NT5M: variants seen among roughly 807,000 people sequenced by gnomAD.
NT5M encodes the protein 5'(3')-deoxyribonucleotidase, mitochondrial.
A neutral mutation model predicts 22.2 loss-of-function variants in NT5M; 22 were observed. The ratio of observed to expected loss-of-function variants is 0.99; its 90% CI spans 0.71 to 1.41. NT5M has a LOEUF of 1.41. Among genes scored for constraint, NT5M ranks in the 40% most tolerant of loss-of-function variants. The probability of loss-of-function intolerance (pLI) is 0.00; values close to 1 mark genes in which losing one functional copy is unlikely to be tolerated. For missense variants in NT5M, 322 were observed against 314.8 expected (o/e 1.02, Z -0.17); for synonymous variants, 167 against 133.0 (o/e 1.26, Z -1.76).
intron 1 of NT5M, among the ~76,000 whole-genome samples, chr17:17,305,093 C>T (rs974158555): frequency 2.6e-5 from 4 of 152,048 alleles, no homozygotes; most frequent in Admixed American, 1.3e-4. Context: ...TTATAGGCAG[C>T]GCTCGGCATG....
chr17:17,310,672 C>T (rs1365772136), intron 2 of NT5M, among the ~76,000 whole-genome samples: 2 of 151,026 alleles, frequency 1.3e-5, no homozygotes, highest in Non-Finnish European at 2.9e-5. Flanking sequence ...CCTGCCTCCA[C>T]TAAAAATACA....
At position 17,303,547 on chromosome 17, in the gene NT5M, G is replaced by C; in HGVS notation, c.-4G>C. 8 of 1,068,026 alleles carry C rather than the reference G, an allele frequency of 7.5e-6. No homozygotes were observed. The highest frequency in any genetic ancestry group is 9.1e-6 in the Non-Finnish European group (8 of 883,848). 66.2% of individuals were successfully genotyped at this position (1,068,026 alleles called of 1,614,324 possible). A position where few individuals can be genotyped will look rare whatever the true frequency, so the allele number is the denominator to read the frequency against. On this transcript the variant is annotated 5_prime_UTR_variant, in exon 1 of 5. Transcript: ENST00000389022. ...GCGCCCACGACGGGCCAGCGCGCTGGGCCATGATCCGGCTGGGCGGCTGGT... is the reference window on the plus strand; with the variant it reads ...GCGCCCACGACGGGCCAGCGCGCTGCGCCATGATCCGGCTGGGCGGCTGGT...
chr17:17,317,058 T>TG (rs1209933884), intron 2 of NT5M, among the ~76,000 whole-genome samples: 1 of 137,166 alleles, frequency 7.3e-6, no homozygotes, highest in Non-Finnish European at 1.6e-5. Context: ...TGTTTTTGTT[T>TG]TTTTTTTTTG....
intron 1 of NT5M, among the ~76,000 whole-genome samples, chr17:17,305,394 G>GCCCCCCCCCC (rs34579357): frequency 2.0e-3 from 147 of 74,122 alleles, no homozygotes; most frequent in African/African-American, 2.4e-3. Context: ...TAAAACAACC[G>GCCCCCCCCCC]CCCCCCCCCC....
chr17:17,306,394 T>C, intron 1 of NT5M, 149 bp from the exon 2 acceptor site: 1 of 682,110 alleles, frequency 1.5e-6, no homozygotes, highest in Admixed American at 2.2e-5. Context: ...CTCTCCGCAC[T>C]ACCCCCAGGA....
intron 2 of NT5M, among the ~76,000 whole-genome samples, chr17:17,316,636 G>T (rs1231749339): frequency 2.7e-5 from 4 of 148,184 alleles, no homozygotes; most frequent in African/African-American, 1.0e-4. Context: ...TCGGCCTCCC[G>T]AAGTGCTGGG....
At chr17:17,332,471 G>A (rs1317375651) in intron 3 of NT5M, among the ~76,000 whole-genome samples, 1 of 152,088 alleles carries the variant, frequency 6.6e-6, no homozygotes, top group Non-Finnish European at 1.5e-5. Context: ...TGGAGAGAGC[G>A]CCTCCCCTGG....
At chr17:17,313,774 A>C (rs9898993) in intron 2 of NT5M, among the ~76,000 whole-genome samples, 1 of 152,144 alleles carries the variant, frequency 6.6e-6, no homozygotes, top group South Asian at 2.1e-4. Flanking sequence ...CCGGGAGGCC[A>C]CGCCATTGTG....
chr17:17,321,485 G>T (rs9914692), intron 2 of NT5M, among the ~76,000 whole-genome samples: 1 of 151,290 alleles, frequency 6.6e-6, no homozygotes, highest in Non-Finnish European at 1.5e-5. Context: ...CCAGATCCAT[G>T]ATGAGGTGGG....
intron 1 of NT5M, 110 bp downstream of exon 1, chr17:17,303,927 C>T (rs970977112): frequency 3.8e-6 from 5 of 1,317,856 alleles, no homozygotes; most frequent in Middle Eastern, 2.9e-4. Flanking sequence ...TCGGGGTGGC[C>T]CTCTGATAGA....
At chr17:17,340,103 TG>T (rs2049606524) in intron 3 of NT5M, among the ~76,000 whole-genome samples, 1 of 152,220 alleles carries the variant, frequency 6.6e-6, no homozygotes, top group Non-Finnish European at 1.5e-5. Context: ...GTGAAGCTAT[TG>T]GGTCCCGGCC....
At chr17:17,319,228 A>AC (rs1332852990) in intron 2 of NT5M, among the ~76,000 whole-genome samples, 4 of 151,014 alleles carry the variant, frequency 2.6e-5, no homozygotes, top group African/African-American at 9.7e-5. Context: ...AAAAAAAAAA[A>AC]AGTTTCTGAA....
rs1567905070 is a variant in NT5M at position 17,347,214 on chromosome 17, C to A, written c.*267C>A. Reference sequence around the variant, plus strand: ...GCAGCAGGCACCAAGCTGCCAGAAGCCCAGGGGCTCAGGACAGGGAGGAGT... The same window carrying A: ...GCAGCAGGCACCAAGCTGCCAGAAGACCAGGGGCTCAGGACAGGGAGGAGT... On this transcript the variant is annotated 3_prime_UTR_variant, in exon 5 of 5. Transcript: ENST00000389022. 1 of 499,244 alleles carries A rather than the reference C, an allele frequency of 2.0e-6. No homozygotes were observed. Among genetic ancestry groups the A allele is most frequent in the Non-Finnish European group, 3.6e-6 (1 of 280,622 alleles). The allele number at this position is 499,244 out of a possible 1,614,324, so 30.9% of individuals were successfully genotyped here. A position where few individuals can be genotyped will look rare whatever the true frequency, so the allele number is the denominator to read the frequency against.
chr17:17,328,256 G>A (rs2145392547), intron 3 of NT5M, among the ~76,000 whole-genome samples: 2 of 152,254 alleles, frequency 1.3e-5, no homozygotes, highest in South Asian at 4.1e-4. Flanking sequence ...GAATTTTGTT[G>A]GCCAGTGGCT....
chr17:17,325,045 C>T (rs1179425915), intron 3 of NT5M, among the ~76,000 whole-genome samples: 4 of 151,450 alleles, frequency 2.6e-5, no homozygotes, highest in East Asian at 1.9e-4. Context: ...CATTTTTCAG[C>T]CCCACCCTAC....
Position 17,306,632 on chromosome 17 carries a change from C to T in NT5M, c.357C>T (p.Ala119=), listed in dbSNP as rs1357640959. 1 of 1,613,050 alleles carries T rather than the reference C, an allele frequency of 6.2e-7. No individual in the cohort carries two copies. The highest frequency in any genetic ancestry group is 8.5e-7 in the Non-Finnish European group (1 of 1,179,212). Reference sequence around the variant, plus strand: ...CCGTGGAAGCTGTCAAGGAGATGGCCAGCCTACAAAAGTAAGTTTGTCCTC... The same window carrying T: ...CCGTGGAAGCTGTCAAGGAGATGGCTAGCCTACAAAAGTAAGTTTGTCCTC... ...PGAVEAVKEM[A]SLQNTDVFIC... is the part of the protein sequence containing the mutation. The change falls in exon 2 of 5, where the codon GCC becomes GCT. Residue 119 remains alanine (A), a synonymous_variant. Transcript: ENST00000389022.
intron 1 of NT5M, 131 bp from the exon 2 acceptor site, chr17:17,306,412 C>T: frequency 9.8e-6 from 7 of 713,308 alleles, no homozygotes; most frequent in Non-Finnish European, 1.5e-5. Context: ...GGAAGTACGT[C>T]CTTGGGTGTG....
At chr17:17,316,347 C>T (rs767695721) in intron 2 of NT5M, among the ~76,000 whole-genome samples, 21 of 151,442 alleles carry the variant, frequency 1.4e-4, no homozygotes, top group Non-Finnish European at 2.1e-4. Context: ...CGTGAGCCAC[C>T]GTGCCCAGCT....
intron 4 of NT5M, chr17:17,345,298 G>A (rs2142389705): frequency 9.9e-7 from 1 of 1,009,402 alleles, no homozygotes; most frequent in Non-Finnish European, 1.2e-6. Flanking sequence ...GCAGAGCAGA[G>A]CTCCTGCAGG....
Sources: allele counts gnomAD v4.1 joint callset (sites outside exome capture counted in the v4.1 genomes callset), GRCh38; gene constraint gnomAD v4.1.1; transcripts MANE v1.5; gene names NCBI Gene and HGNC (gene_info 2026-07-23, HGNC 2026-07-21).